The following HMCN1 variants were observed in gnomAD, a reference collection of about 807,000 sequenced individuals.
The protein encoded by HMCN1 is hemicentin 1.
Under a neutral mutation model 625.9 loss-of-function variants are expected in HMCN1, and 321 were observed. That is an observed-to-expected ratio of 0.51 (90% confidence interval 0.47 to 0.56). The LOEUF is 0.56. Ranked by LOEUF, HMCN1 falls within the 20% of genes least tolerant of loss-of-function variation. The pLI is 0.00. For synonymous variants in HMCN1, 2,425 were observed against 2,417.6 expected (o/e 1.00, Z -0.09); for missense variants, 6,588 against 6,887.3 (o/e 0.96, Z 1.54).
At chr1:185,843,356 G>A (rs116170838) in intron 1 of HMCN1, among the ~76,000 whole-genome samples, 190 of 152,276 alleles carry the variant, frequency 1.2e-3, no homozygotes, top group African/African-American at 4.2e-3. Context: ...GATGGGAATG[G>A]TAAGGAAGTG....
chr1:185,899,044 G>A (rs1410867853), intron 4 of HMCN1, among the ~76,000 whole-genome samples: 2 of 152,074 alleles, frequency 1.3e-5, no homozygotes, highest in African/African-American at 4.8e-5. Context: ...CCCCTTCCAA[G>A]TCTCTAAAAA....
chr1:186,109,539 G>A (rs944673663), intron 71 of HMCN1, among the ~76,000 whole-genome samples: 2 of 152,196 alleles, frequency 1.3e-5, no homozygotes, highest in African/African-American at 4.8e-5. Context: ...TAGAATGAAC[G>A]CCACTAGTAA....
chr1:185,852,517 A>AAAT (rs1662223958), intron 2 of HMCN1, among the ~76,000 whole-genome samples: 1 of 151,662 alleles, frequency 6.6e-6, no homozygotes. Flanking sequence ...GATTCAACTT[A>AAAT]GAAAAGCAGT....
rs186270688 is a variant in HMCN1 at position 185,783,965 on chromosome 1, C to A, written c.268+48918C>A. On this transcript the variant is annotated intron_variant, in intron 1 of 106. Transcript: ENST00000271588. ...CAGAGGTAGAGTCTACAGAGGCAGG[C>A]AGCCTCCTTTAGCTGCGGTGGGCTC... Among the ~76,000 whole-genome samples, 576 of 152,360 alleles carry A rather than the reference C, an allele frequency of 3.8e-3. 5 individuals are homozygous for A. The highest frequency in any genetic ancestry group is 0.013 in the African/African-American group (546 of 41,586).
chr1:186,053,655 G>A (rs758899191), intron 43 of HMCN1, among the ~76,000 whole-genome samples, 170 bp from the exon 44 acceptor site: 13 of 151,970 alleles, frequency 8.6e-5, no homozygotes, highest in Non-Finnish European at 1.0e-4. Flanking sequence ...TAAATTTTCA[G>A]TTCATTTAAA....
chr1:185,979,708 G>A (rs1043826246), intron 16 of HMCN1, among the ~76,000 whole-genome samples: 2 of 152,132 alleles, frequency 1.3e-5, no homozygotes, highest in Non-Finnish European at 2.9e-5. Flanking sequence ...TTTACCAGAT[G>A]CAGTTCTACA....
At chr1:185,897,488 C>T (rs1489098582) in intron 4 of HMCN1, among the ~76,000 whole-genome samples, 2 of 152,206 alleles carry the variant, frequency 1.3e-5, no homozygotes, top group Non-Finnish European at 2.9e-5. Context: ...TCACTTACCA[C>T]TGTACACACA....
chr1:186,052,785 A>G (rs989190482), intron 42 of HMCN1, among the ~76,000 whole-genome samples, 167 bp from the exon 43 acceptor site: 2 of 152,072 alleles, frequency 1.3e-5, no homozygotes, highest in African/African-American at 4.8e-5. Context: ...GCTATTAGCT[A>G]TTTATGCTAC....
At chr1:186,137,729 C>T (rs41317501) in intron 88 of HMCN1, 61 bp downstream of exon 88, 60,174 of 1,613,620 alleles carry the variant, frequency 0.037, 1,296 homozygotes, top group Non-Finnish European at 0.042. Flanking sequence ...CTGTCTTCTA[C>T]CTATGGATTG....
At position 185,911,684 on chromosome 1, in the gene HMCN1, A is replaced by G; in HGVS notation, c.804A>G (p.Ile268Met). Reference sequence around the variant, plus strand: ...TGTTCTGTCTTTCAGGGAAGCTGATAAAAAAGGGATTTGGCCTGCATGAGC... The same window carrying G: ...TGTTCTGTCTTTCAGGGAAGCTGATGAAAAAGGGATTTGGCCTGCATGAGC... ...IEIRNPLGKL[I>M]KKGFGLHELL... Residue 268 changes from isoleucine to methionine, a missense_variant, in exon 6 of 107, where the codon ATA becomes ATG. Transcript: ENST00000271588. The G allele has an allele frequency of 1.2e-6, 2 of 1,609,112 alleles. No homozygotes were observed. The highest frequency in any genetic ancestry group is 1.7e-6 in the Non-Finnish European group (2 of 1,175,592).
intron 1 of HMCN1, among the ~76,000 whole-genome samples, chr1:185,763,088 C>A (rs2102126846): frequency 6.6e-6 from 1 of 152,236 alleles, no homozygotes; most frequent in South Asian, 2.1e-4. Context: ...TCCAGGAGCA[C>A]CTGGGCCCAA....
At chr1:186,144,850 T>C in intron 91 of HMCN1, 147 bp downstream of exon 91, 2 of 932,924 alleles carry the variant, frequency 2.1e-6, no homozygotes, top group Non-Finnish European at 3.4e-6. Context: ...GTCATGTCTG[T>C]ATAATACCCT....
At position 186,137,600 on chromosome 1, in the gene HMCN1, C is replaced by T; in HGVS notation, c.13685C>T (p.Ala4562Val). 1 of 1,613,992 alleles carries T rather than the reference C, an allele frequency of 6.2e-7. No homozygotes were observed. The highest frequency in any genetic ancestry group is 1.3e-5 in the African/African-American group (1 of 75,032). Residue 4562 changes from alanine to valine, a missense_variant, in exon 88 of 107, where the codon GCC becomes GTC. Transcript: ENST00000271588. ...RSRLCNQPLP[A>V]NGGKPCQGSD... Reference sequence around the variant, plus strand: ...CGTCTGTGCAACCAGCCCCTTCCAGCCAATGGTGGGAAGCCCTGCCAAGGT... The same window carrying T: ...CGTCTGTGCAACCAGCCCCTTCCAGTCAATGGTGGGAAGCCCTGCCAAGGT...
intron 1 of HMCN1, among the ~76,000 whole-genome samples, chr1:185,776,179 A>G (rs1181942028): frequency 2.0e-5 from 3 of 151,518 alleles, no homozygotes; most frequent in Admixed American, 6.6e-5. Flanking sequence ...TATTATTTTC[A>G]TATTTGAATT....
chr1:186,148,876 C>G (rs932757093), intron 93 of HMCN1, among the ~76,000 whole-genome samples: 1 of 152,102 alleles, frequency 6.6e-6, no homozygotes, highest in African/African-American at 2.4e-5. Context: ...TGTACATCTC[C>G]ATTAGACCTC....
intron 105 of HMCN1, among the ~76,000 whole-genome samples, chr1:186,185,298 G>T (rs1271373793): frequency 6.6e-6 from 1 of 152,166 alleles, no homozygotes; most frequent in African/African-American, 2.4e-5. Context: ...TGTGGACAAT[G>T]AATATGAAGA....
At chr1:186,017,121 T>C (rs1295201845) in intron 33 of HMCN1, 50 bp downstream of exon 33, 1 of 931,488 alleles carries the variant, frequency 1.1e-6, no homozygotes, top group Non-Finnish European at 1.8e-6. Context: ...TTGTTTTGAG[T>C]GTTTTAGAGC....
At chr1:185,796,069 G>A (rs1270114928) in intron 1 of HMCN1, among the ~76,000 whole-genome samples, 4 of 152,114 alleles carry the variant, frequency 2.6e-5, no homozygotes, top group African/African-American at 4.8e-5. Flanking sequence ...GTACATCAGC[G>A]GTCCTCAAAC....
At chr1:185,984,389 C>A in intron 19 of HMCN1, 76 bp downstream of exon 19, 2 of 1,347,232 alleles carry the variant, frequency 1.5e-6, no homozygotes, top group Non-Finnish European at 2.1e-6. Flanking sequence ...TCAAATAACT[C>A]TGTTCCTCTA....
Sources: allele counts gnomAD v4.1 joint callset (sites outside exome capture counted in the v4.1 genomes callset), GRCh38; gene constraint gnomAD v4.1.1; transcripts MANE v1.5; gene names NCBI Gene and HGNC (gene_info 2026-07-23, HGNC 2026-07-21).